The following DRC3 variants were observed in gnomAD, a reference collection of about 807,000 sequenced individuals.
The protein encoded by DRC3 is leucine rich repeat containing 48.
DRC3 carries 45 observed loss-of-function variants against 57.6 expected under a neutral mutation model. The observed-to-expected ratio is 0.78, with a 90% CI of 0.62 to 1.00. The LOEUF (loss-of-function observed/expected upper bound fraction) is 1.00, where lower values mean the gene tolerates loss of function less well. Ranked by LOEUF, DRC3 falls within the 50% of genes least tolerant of loss-of-function variation. The probability of loss-of-function intolerance (pLI) is 0.00; values close to 1 mark genes in which losing one functional copy is unlikely to be tolerated. For missense variants in DRC3, 655 were observed against 675.2 expected (o/e 0.97, Z 0.33); for synonymous variants, 257 against 272.3 (o/e 0.94, Z 0.55).
intron 12 of DRC3, among the ~76,000 whole-genome samples, chr17:18,014,154 G>A (rs2044272026): frequency 6.6e-6 from 1 of 152,140 alleles, no homozygotes; most frequent in Non-Finnish European, 1.5e-5. Flanking sequence ...TCCTGACTGA[G>A]GTGATCCACC....
intron 6 of DRC3, chr17:17,994,047 G>C (rs1006066299): frequency 2.4e-6 from 1 of 421,546 alleles, no homozygotes; most frequent in African/African-American, 2.1e-5. Context: ...GGGAACCCCA[G>C]CCTGCCACGC....
At position 18,016,135 on chromosome 17, in the gene DRC3, C is replaced by CTTTGCTGTCTTGT. The variant is rs2044354182; in HGVS notation, c.1398_1399insTTTGCTGTCTTGT (p.Asn467PhefsTer5). The stretch of plus-strand genomic sequence containing the variant: ...ACGACATCCACCTCCTGAAGATTGA[C>CTTTGCTGTCTTGT]AATCGAGAAGATGAGCTGGTGACCA... On this transcript the variant is annotated frameshift_variant, in exon 13 of 14. Transcript: ENST00000399187. LOFTEE classifies it high-confidence loss of function. 6.2e-7 allele frequency: 1 copy of CTTTGCTGTCTTGT among 1,613,846 alleles called. No homozygotes were observed. The highest frequency in any genetic ancestry group is 1.7e-5 in the Admixed American group (1 of 60,008).
At chr17:17,996,537 C>G (rs571507729) in intron 8 of DRC3, among the ~76,000 whole-genome samples, 1 of 152,162 alleles carries the variant, frequency 6.6e-6, no homozygotes, top group Non-Finnish European at 1.5e-5. Flanking sequence ...TCAATTACCC[C>G]CCACCGGGTT....
Position 18,007,055 on chromosome 17 carries a change from C to T in DRC3, c.1234C>T (p.His412Tyr), listed in dbSNP as rs1459492866. ...MAQCRDLENH[H>Y]HEKLLEISIS... ...TCAGTGCCGGGACCTGGAGAATCAC[C>T]ACCACGAGAAGCTCCTGGAGATCTC... Residue 412 changes from histidine (H) to tyrosine (Y), a missense_variant, in exon 12 of 14, where the codon CAC becomes TAC. His to Tyr is a moderately conservative substitution (Grantham distance 83). Transcript: ENST00000399187. 2 of 1,533,938 alleles carry T rather than the reference C, an allele frequency of 1.3e-6. No homozygotes were observed.
chr17:17,982,069 T>C (rs2042718624), intron 3 of DRC3, among the ~76,000 whole-genome samples: 1 of 151,606 alleles, frequency 6.6e-6, no homozygotes, highest in African/African-American at 2.4e-5. Context: ...CTAGGCTCAC[T>C]GCAACCTCTG....
chr17:17,979,321 G>A (rs964856996), intron 3 of DRC3, among the ~76,000 whole-genome samples: 29 of 152,182 alleles, frequency 1.9e-4, no homozygotes, highest in South Asian at 8.3e-4. Flanking sequence ...TGGGGACCCC[G>A]GGAGGGTCCT....
rs2145433422 is a variant in DRC3 at position 18,007,931 on chromosome 17, C to CGGA, written c.1326+785_1326+786insGAG. 9.2e-6 allele frequency: 8 copies of CGGA among 870,130 alleles called. No individual in the cohort carries two copies. In the South Asian group the frequency reaches 3.6e-4, roughly 40 times the overall value. The allele number at this position is 870,130 out of a possible 1,614,324, so 53.9% of individuals were successfully genotyped here. On this transcript the variant is annotated intron_variant, in intron 12 of 13. Transcript: ENST00000399187. ...GCCTCTTTACTGTCCTCTTACAGTC[C>CGGA]GTCCTCCATGTGGCAGCCAGAGGGA... is the stretch of plus-strand genomic sequence containing the variant.
rs548580914 is a variant in DRC3, at chr17:18,007,037, C to T, written c.1216C>T (p.Arg406Trp). The T allele has an allele frequency of 1.4e-5, 23 of 1,603,062 alleles. No individual in the cohort carries two copies. Among genetic ancestry groups the T allele is most frequent in the Admixed American group, 1.2e-4 (7 of 59,234 alleles). Residue 406 changes from arginine (R) to tryptophan (W), a missense_variant, in exon 12 of 14, where the codon CGG becomes TGG. Coordinates refer to ENST00000399187, the MANE Select transcript of DRC3 (RefSeq NM_031294.4). ...TCGGGGCTGCACGATGGCTCAGTGCCGGGACCTGGAGAATCACCACCACGA... is the reference window on the plus strand; with the variant it reads ...TCGGGGCTGCACGATGGCTCAGTGCTGGGACCTGGAGAATCACCACCACGA... Reference protein sequence around the residue: ...ENVQSLMAQCRDLENHHHEKL... With the variant: ...ENVQSLMAQCWDLENHHHEKL...
At chr17:17,999,522 C>T (rs565758186) in intron 9 of DRC3, among the ~76,000 whole-genome samples, 1 of 152,298 alleles carries the variant, frequency 6.6e-6, no homozygotes, top group South Asian at 2.1e-4. Context: ...TATAGGTTTT[C>T]CTACGCTCCT....
At chr17:17,988,378 G>C in intron 5 of DRC3, 1 of 424,698 alleles carries the variant, frequency 2.4e-6, no homozygotes, top group Non-Finnish European at 4.3e-6. Context: ...ATTTGCTGAG[G>C]TACATACCTG....
chr17:17,980,251 T>G (rs1485143743), intron 3 of DRC3, among the ~76,000 whole-genome samples: 1 of 148,492 alleles, frequency 6.7e-6, no homozygotes, highest in Non-Finnish European at 1.5e-5. Flanking sequence ...ATGTTTTTTT[T>G]TTGTTTGTTT....
chr17:17,978,870 T>G (rs542030279), intron 3 of DRC3, among the ~76,000 whole-genome samples: 1 of 152,332 alleles, frequency 6.6e-6, no homozygotes, highest in South Asian at 2.1e-4. Context: ...CCAGGTACTG[T>G]TCTGAGCACT....
chr17:17,992,001 G>A (rs1250472182), intron 5 of DRC3, among the ~76,000 whole-genome samples: 7 of 152,248 alleles, frequency 4.6e-5, no homozygotes, highest in East Asian at 1.9e-4. Flanking sequence ...AGGGCCGGGC[G>A]CGGTGGCTCA....
intron 13 of DRC3, 70 bp from the exon 14 acceptor site, chr17:18,016,488 A>G: frequency 8.5e-7 from 1 of 1,177,606 alleles, no homozygotes; most frequent in East Asian, 2.4e-5. Context: ...CCTTCCCTCA[A>G]ACTGGATTCA....
intron 12 of DRC3, chr17:18,015,858 A>G (rs1247312342): frequency 2.0e-5 from 11 of 543,744 alleles, no homozygotes; most frequent in Non-Finnish European, 3.6e-5. Context: ...TTTCCCCACA[A>G]CACCTGCCCT....
At chr17:17,982,709 G>A (rs551719481) in intron 3 of DRC3, among the ~76,000 whole-genome samples, 1 of 151,356 alleles carries the variant, frequency 6.6e-6, no homozygotes, top group South Asian at 2.1e-4. Flanking sequence ...CAAGTAGCTG[G>A]GACTACAGAC....
chr17:17,975,861 AT>A (rs2042362734), intron 2 of DRC3, among the ~76,000 whole-genome samples: 2 of 152,222 alleles, frequency 1.3e-5, no homozygotes, highest in African/African-American at 4.8e-5. Context: ...ACAAGAGCTC[AT>A]TGGGACATTT....
chr17:17,986,739 C>G lies in DRC3; in HGVS notation c.278-1193C>G, dbSNP rs146714365. 2.0e-5 allele frequency among the ~76,000 whole-genome samples: 3 copies of G among 150,150 alleles called. No homozygotes were observed. The East Asian group carries it at 6.3e-4, about 31-fold the overall frequency. On this transcript the variant is annotated intron_variant, in intron 4 of 13. Coordinates refer to ENST00000399187, the MANE Select transcript of DRC3 (RefSeq NM_031294.4). ...TCGGCCTCCCAGAGTGCTGGGATTACAGGTGTAAGCCACTACGCCCAGCCC... is the reference window on the plus strand; with the variant it reads ...TCGGCCTCCCAGAGTGCTGGGATTAGAGGTGTAAGCCACTACGCCCAGCCC...
At chr17:17,999,727 C>T (rs1226010409) in intron 9 of DRC3, among the ~76,000 whole-genome samples, 1 of 152,230 alleles carries the variant, frequency 6.6e-6, no homozygotes, top group Non-Finnish European at 1.5e-5. Context: ...AGATAACCAC[C>T]TTGAAGAACT....
Sources: allele counts gnomAD v4.1 joint callset (sites outside exome capture counted in the v4.1 genomes callset), GRCh38; gene constraint gnomAD v4.1.1; transcripts MANE v1.5; gene names NCBI Gene and HGNC (gene_info 2026-07-23, HGNC 2026-07-21).